Variants in AIG1 observed in about 807,000 individuals in gnomAD.
AIG1 encodes the protein androgen induced 1.
A neutral mutation model predicts 31.4 loss-of-function variants in AIG1; 23 were observed. The observed-to-expected ratio is 0.73, with a 90% CI of 0.53 to 1.04. The LOEUF is 1.04. AIG1 is among the 50% of genes least tolerant of loss of function. AIG1 has a pLI of 0.00. For missense variants in AIG1, 274 were observed against 295.0 expected, an observed-to-expected ratio of 0.93 and a Z score of 0.52; for synonymous variants, 100 against 110.5, an observed-to-expected ratio of 0.90 and a Z score of 0.60.
chr6:143,249,671 C>G (rs947882416), intron 3 of AIG1, among the ~76,000 whole-genome samples: 1 of 152,224 alleles, frequency 6.6e-6, no homozygotes, highest in Non-Finnish European at 1.5e-5. Context: ...GACGACCCCT[C>G]TCCTGATAGT....
intron 3 of AIG1, among the ~76,000 whole-genome samples, chr6:143,210,027 C>A (rs1274723745): frequency 6.6e-6 from 1 of 152,146 alleles, no homozygotes; most frequent in East Asian, 1.9e-4. Flanking sequence ...TTCCCATAAT[C>A]CCCACGTGTC....
Position 143,299,418 on chromosome 6 carries a change from T to C in AIG1, c.515+15193T>C, listed in dbSNP as rs967825916. The C allele has an allele frequency of 6.6e-6, 1 of 152,120 alleles. No individual in the cohort carries two copies. The highest frequency in any genetic ancestry group is 6.6e-5 in the Admixed American group (1 of 15,260). The allele number at this position is 152,120 out of a possible 1,614,324, so 9.4% of individuals were successfully genotyped here. A position where few individuals can be genotyped will look rare whatever the true frequency, so the allele number is the denominator to read the frequency against. On this transcript the variant is annotated intron_variant, in intron 4 of 5. Coordinates refer to ENST00000357847, the MANE Select transcript of AIG1 (RefSeq NM_016108.4). This position sits in a 1 kb window ranked among gnomAD's most constrained non-coding sequence, Gnocchi z 4.1. Reference sequence around the variant, plus strand: ...CACAATCATCTAAGTCTACCAGCAGTATATGACCAGAAGCATTACAGGAAC... The same window carrying C: ...CACAATCATCTAAGTCTACCAGCAGCATATGACCAGAAGCATTACAGGAAC...
chr6:143,323,396 C>G (rs1377231191), intron 4 of AIG1, among the ~76,000 whole-genome samples: 1 of 151,758 alleles, frequency 6.6e-6, no homozygotes, highest in East Asian at 1.9e-4. Context: ...TGGGCTAGCT[C>G]CACTGAAAAA....
chr6:143,097,118 G>T (rs910800953), intron 1 of AIG1, among the ~76,000 whole-genome samples: 3 of 151,548 alleles, frequency 2.0e-5, no homozygotes, highest in African/African-American at 4.8e-5. Flanking sequence ...GAATAGCCCT[G>T]TAACAGCAGA....
intron 3 of AIG1, among the ~76,000 whole-genome samples, chr6:143,255,080 A>G (rs1007978381): frequency 6.6e-6 from 1 of 152,196 alleles, no homozygotes; most frequent in Non-Finnish European, 1.5e-5. Flanking sequence ...CTGTAATCTT[A>G]GGTAAACTCT....
intron 2 of AIG1, among the ~76,000 whole-genome samples, chr6:143,154,074 ACT>A (rs994011990): frequency 1.3e-5 from 2 of 151,686 alleles, no homozygotes; most frequent in Non-Finnish European, 2.9e-5. Context: ...ACAAAGTGAA[ACT>A]CTGTCTCTAC....
At chr6:143,063,113 A>G (rs1441526979) in intron 1 of AIG1, among the ~76,000 whole-genome samples, 3 of 152,236 alleles carry the variant, frequency 2.0e-5, no homozygotes. Context: ...AACAAGGCTC[A>G]GAAGAAATGA....
At chr6:143,290,593 A>C (rs1336362207) in intron 4 of AIG1, among the ~76,000 whole-genome samples, 1 of 152,184 alleles carries the variant, frequency 6.6e-6, no homozygotes, top group Non-Finnish European at 1.5e-5. Context: ...AACTCCTGAG[A>C]TCTTATCAGG....
chr6:143,160,055 T>C (rs1006091711), intron 2 of AIG1, among the ~76,000 whole-genome samples: 2 of 152,198 alleles, frequency 1.3e-5, no homozygotes, highest in Non-Finnish European at 2.9e-5. Context: ...AGAATATATA[T>C]AGGATTTTAT....
chr6:143,097,313 C>T (rs1779887372), intron 1 of AIG1, among the ~76,000 whole-genome samples: 1 of 151,928 alleles, frequency 6.6e-6, no homozygotes, highest in African/African-American at 2.4e-5. Context: ...CAATCCTATA[C>T]CCCCTCATTT....
At chr6:143,183,092 C>T (rs1426560288) in intron 3 of AIG1, among the ~76,000 whole-genome samples, 3 of 152,164 alleles carry the variant, frequency 2.0e-5, no homozygotes, top group African/African-American at 7.2e-5. Context: ...CACTGCAGAG[C>T]TACAGGTCAG....
rs117900224 is a variant in AIG1, at chr6:143,299,895, T to A, written c.515+15670T>A. Among the ~76,000 whole-genome samples the A allele has an allele frequency of 7.7e-3, 1,176 of 152,328 alleles. 36 individuals carry two copies. The highest frequency in any genetic ancestry group is 0.047 in the Admixed American group (726 of 15,292). On this transcript the variant is annotated intron_variant, in intron 4 of 5. Transcript: ENST00000357847. The surrounding 1 kb of genome is among the most constrained non-coding windows in gnomAD (Gnocchi z 4.1). ...TGTCACATCCTCCAGAAGCTTTCCCTGACATTCTGAGTCAGTGTCAGGTGC... is the reference window on the plus strand; with the variant it reads ...TGTCACATCCTCCAGAAGCTTTCCCAGACATTCTGAGTCAGTGTCAGGTGC...
chr6:143,229,019 G>A (rs1191678301), intron 3 of AIG1, among the ~76,000 whole-genome samples: 2 of 152,210 alleles, frequency 1.3e-5, no homozygotes, highest in African/African-American at 2.4e-5. Flanking sequence ...TTTGGGGCCA[G>A]TAGGAGGAAC....
chr6:143,262,426 G>A (rs1446054309), intron 3 of AIG1, among the ~76,000 whole-genome samples: 3 of 152,130 alleles, frequency 2.0e-5, no homozygotes, highest in South Asian at 2.1e-4. Flanking sequence ...GCTGGAAAAC[G>A]AGAACTCCCC....
intron 1 of AIG1, among the ~76,000 whole-genome samples, chr6:143,114,505 CAAAG>C (rs1490883719): frequency 6.6e-6 from 1 of 151,974 alleles, no homozygotes; most frequent in Non-Finnish European, 1.5e-5. Context: ...GGTTGGCAGG[CAAAG>C]AAGAAGAATA....
intron 2 of AIG1, among the ~76,000 whole-genome samples, chr6:143,142,152 A>C (rs1259857960): frequency 6.6e-6 from 1 of 152,072 alleles, no homozygotes; most frequent in Non-Finnish European, 1.5e-5. Context: ...ATTTCACTGC[A>C]GCCTAAACCC....
At chr6:143,196,322 T>C (rs1316690557) in intron 3 of AIG1, among the ~76,000 whole-genome samples, 1 of 148,930 alleles carries the variant, frequency 6.7e-6, no homozygotes, top group African/African-American at 2.5e-5. Context: ...GCCTTCTCAT[T>C]TGTCAGCACA....
intron 3 of AIG1, among the ~76,000 whole-genome samples, chr6:143,267,239 G>A (rs1259484794): frequency 6.6e-6 from 1 of 152,166 alleles, no homozygotes; most frequent in African/African-American, 2.4e-5. Context: ...AGCCACGTTG[G>A]AGAAGGGCTT....
intron 3 of AIG1, among the ~76,000 whole-genome samples, chr6:143,184,654 A>G (rs1789062429): frequency 6.6e-6 from 1 of 152,046 alleles, no homozygotes; most frequent in Admixed American, 6.6e-5. Context: ...TTAGTTTAAG[A>G]TTTGGTCGTC....
Sources: gnomAD v4.1 joint callset for allele counts (sites outside exome capture counted in the v4.1 genomes callset) on GRCh38, gnomAD v4.1.1 for gene constraint, Gnocchi (gnomAD v3.1) non-coding constraint, MANE v1.5 for transcripts, NCBI Gene and HGNC (gene_info 2026-07-23, HGNC 2026-07-21) for gene names.